Variants in PRUNE2 observed in about 807,000 individuals in gnomAD.
The protein encoded by PRUNE2 is protein prune homolog 2.
In PRUNE2, 164 loss-of-function variants were observed where a neutral mutation model predicts 252.0. The ratio of observed to expected loss-of-function variants is 0.65; its 90% CI spans 0.57 to 0.74. The LOEUF (loss-of-function observed/expected upper bound fraction) is 0.74, where lower values mean the gene tolerates loss of function less well. Ranked by LOEUF, PRUNE2 falls within the 30% of genes least tolerant of loss-of-function variation. The pLI is 0.00. For missense variants in PRUNE2, 3,495 were observed against 3,711.0 expected (o/e 0.94, Z 1.51); for synonymous variants, 1,292 against 1,350.2 (o/e 0.96, Z 0.94).
chr9:76,739,125 A>T (rs544813989), intron 6 of PRUNE2: 1 of 152,290 alleles, frequency 6.6e-6, no homozygotes, highest in South Asian at 2.1e-4. Context: ...CGTATATTCC[A>T]CTATTCTTAT....
chr9:76,627,169 C>T (rs1333276479), intron 16 of PRUNE2, among the ~76,000 whole-genome samples: 3 of 151,746 alleles, frequency 2.0e-5, no homozygotes, highest in African/African-American at 7.3e-5. Flanking sequence ...GGTGCGATCT[C>T]GGCTCACTGC....
intron 6 of PRUNE2, among the ~76,000 whole-genome samples, chr9:76,815,045 T>C (rs1589372382): frequency 6.6e-6 from 1 of 152,190 alleles, no homozygotes; most frequent in Non-Finnish European, 1.5e-5. Context: ...CACTGTTTCA[T>C]TCCCATTTCA....
At chr9:76,807,054 G>GCA (rs1450526752) in intron 6 of PRUNE2, among the ~76,000 whole-genome samples, 142 of 150,126 alleles carry the variant, frequency 9.5e-4, no homozygotes, top group African/African-American at 3.0e-3. Flanking sequence ...GTGTGTGTGC[G>GCA]CGCGCGCGTG....
chr9:76,692,082 G>A (rs2044812906), intron 9 of PRUNE2: 1 of 717,402 alleles, frequency 1.4e-6, no homozygotes, highest in African/African-American at 1.7e-5. Context: ...ACCTTCTGAG[G>A]ATGAGAGGAG....
chr9:76,727,965 C>T (rs1231435697), intron 6 of PRUNE2, among the ~76,000 whole-genome samples: 1 of 152,000 alleles, frequency 6.6e-6, no homozygotes, highest in Non-Finnish European at 1.5e-5. Context: ...ATCTGCCTGC[C>T]TCAGCCTACC....
rs141227696 is a variant in PRUNE2, at chr9:76,790,170, A to G, written c.756+33462T>C. Among the ~76,000 whole-genome samples, 403 of 152,270 alleles carry G rather than the reference A, an allele frequency of 2.6e-3. 2 individuals carry two copies. Among genetic ancestry groups the G allele is most frequent in the African/African-American group, 9.3e-3 (386 of 41,554 alleles). ...GCTGACTTTGTTCATACTCCAAGTA[A>G]GCATGCAGGTTTACTAGAAGGCGGT... On this transcript the variant is annotated intron_variant, in intron 6 of 18. Transcript: ENST00000376718.
chr9:76,727,679 A>G (rs527650635), intron 6 of PRUNE2, among the ~76,000 whole-genome samples: 1 of 41,788 alleles, frequency 2.4e-5, no homozygotes, highest in Non-Finnish European at 5.2e-5. Flanking sequence ...AAGTTGTACT[A>G]TTATTCCAAC....
At chr9:76,774,542 T>C (rs1316913041) in intron 6 of PRUNE2, among the ~76,000 whole-genome samples, 1 of 140,716 alleles carries the variant, frequency 7.1e-6, no homozygotes, top group Non-Finnish European at 1.5e-5. Context: ...CACTGCAACC[T>C]CCACCTCCCA....
chr9:76,741,111 C>T (rs1020907759), intron 6 of PRUNE2, among the ~76,000 whole-genome samples: 1 of 152,146 alleles, frequency 6.6e-6, no homozygotes, highest in Admixed American at 6.6e-5. Context: ...AATACATTTG[C>T]TAATCATATA....
At chr9:76,768,583 A>ATGTGTGTGTGTG (rs55793596) in intron 6 of PRUNE2, among the ~76,000 whole-genome samples, 206 of 103,338 alleles carry the variant, frequency 2.0e-3, no homozygotes, top group African/African-American at 6.5e-3. Context: ...ATGTATATGT[A>ATGTGTGTGTGTG]TGTGTGTGTG....
chr9:76,630,981 T>C (rs976794403), intron 15 of PRUNE2, among the ~76,000 whole-genome samples: 1 of 152,260 alleles, frequency 6.6e-6, no homozygotes, highest in Non-Finnish European at 1.5e-5. Context: ...TCAACTACTA[T>C]GCATTCTAGT....
At position 76,709,440 on chromosome 9, in the gene PRUNE2, T is replaced by C. The variant is rs145771103; in HGVS notation, c.2834A>G (p.Lys945Arg). ...GTTGGATGCACTGTAATCAGAACAT[T>C]TGTAAGATAAGAAGGAATCTTCCCA... is the stretch of plus-strand genomic sequence containing the variant. ...VPWEDSFLSY[K>R]CSDYSASNLG... Residue 945 changes from lysine (K) to arginine (R), a missense_variant, in exon 8 of 19, where the codon AAA (lysine) becomes AGA (arginine). By Grantham distance (26) the Lys-to-Arg change is conservative (BLOSUM62 2). Transcript: ENST00000376718. The C allele has an allele frequency of 4.5e-5, 72 of 1,613,998 alleles. No individual in the cohort carries two copies. The African/African-American group carries it at 8.9e-4, about 20-fold the overall frequency.
In PRUNE2 at chr9:76,652,572, T is replaced by C. The variant is rs575433786; in HGVS notation, c.8468A>G (p.Asp2823Gly). The C allele has an allele frequency of 1.4e-5, 23 of 1,613,162 alleles. No individual in the cohort carries two copies. In the African/African-American group the frequency reaches 1.5e-4, roughly 10 times the overall value. ...DQSEGSILSD[D>G]NLDSPDEIDI... is the part of the protein sequence containing the mutation. ...AATTTCATCTGGACTGTCCAAGTTA[T>C]CATCAGAGAGAATAGATCCTTCACT... Residue 2823 changes from aspartate to glycine, a missense_variant, in exon 11 of 19, where the codon GAT becomes GGT. By Grantham distance (94) the Asp-to-Gly change is moderately conservative. Coordinates refer to ENST00000376718, the MANE Select transcript of PRUNE2 (RefSeq NM_015225.3).
chr9:76,837,132 G>C (rs1464305389), intron 4 of PRUNE2, among the ~76,000 whole-genome samples: 1 of 136,326 alleles, frequency 7.3e-6, no homozygotes, highest in Non-Finnish European at 1.5e-5. Flanking sequence ...CTAGACTAAA[G>C]GTAAAGCTGA....
At chr9:76,819,417 G>C (rs1341723273) in intron 6 of PRUNE2, 1 of 152,194 alleles carries the variant, frequency 6.6e-6, no homozygotes, top group Non-Finnish European at 1.5e-5. Context: ...GAACACTACA[G>C]ATTACCAGCA....
intron 15 of PRUNE2, among the ~76,000 whole-genome samples, chr9:76,633,077 C>T (rs968817366): frequency 6.6e-6 from 1 of 151,966 alleles, no homozygotes; most frequent in African/African-American, 2.4e-5. Flanking sequence ...CAAAAATTAG[C>T]CAGGTGTGGT....
At chr9:76,799,809 T>C (rs891359298) in intron 6 of PRUNE2, among the ~76,000 whole-genome samples, 1 of 152,208 alleles carries the variant, frequency 6.6e-6, no homozygotes, top group African/African-American at 2.4e-5. Flanking sequence ...TTTGGTATGG[T>C]TTATAGTTTA....
At chr9:76,803,022 A>T in intron 6 of PRUNE2, among the ~76,000 whole-genome samples, 1 of 152,334 alleles carries the variant, frequency 6.6e-6, no homozygotes, top group East Asian at 1.9e-4. Context: ...TAGGAACATA[A>T]GCAAACCCAC....
intron 6 of PRUNE2, among the ~76,000 whole-genome samples, chr9:76,741,483 A>G (rs1241110194): frequency 6.6e-6 from 1 of 152,214 alleles, no homozygotes; most frequent in Admixed American, 6.5e-5. Flanking sequence ...CAAAGAGATA[A>G]AGCAAATAAG....
Sources: gnomAD v4.1 joint callset for allele counts (sites outside exome capture counted in the v4.1 genomes callset) on GRCh38, gnomAD v4.1.1 for gene constraint, MANE v1.5 for transcripts, NCBI Gene and HGNC (gene_info 2026-07-23, HGNC 2026-07-21) for gene names.